Variants in ASIC2 observed in about 807,000 individuals in gnomAD.
ASIC2 encodes the protein acid-sensing ion channel 2.
ASIC2 carries 25 observed loss-of-function variants against 57.3 expected under a neutral mutation model. That is an observed-to-expected ratio of 0.44 (90% CI 0.32 to 0.61). The LOEUF (loss-of-function observed/expected upper bound fraction) is 0.61. ASIC2 is among the 20% of genes least tolerant of loss of function. The pLI is 0.06. For synonymous variants in ASIC2, 319 were observed against 307.5 expected, an observed-to-expected ratio of 1.04 and a Z score of -0.39; for missense variants, 641 against 738.1, an observed-to-expected ratio of 0.87 and a Z score of 1.52.
chr17:34,051,899 T>C (rs983060800), intron 1 of ASIC2, among the ~76,000 whole-genome samples: 2 of 132,574 alleles, frequency 1.5e-5, no homozygotes, highest in African/African-American at 2.8e-5. Flanking sequence ...AGCGAGAGAG[T>C]GAGTTTTTTC....
At chr17:33,588,677 G>A (rs536102141) in intron 1 of ASIC2, among the ~76,000 whole-genome samples, 12 of 152,298 alleles carry the variant, frequency 7.9e-5, no homozygotes, top group South Asian at 2.1e-4. Context: ...AGACAAGATC[G>A]CATCACAGGC....
At chr17:33,108,475 T>TGG (rs2092243912) in intron 2 of ASIC2, among the ~76,000 whole-genome samples, 2 of 152,168 alleles carry the variant, frequency 1.3e-5, no homozygotes, top group Non-Finnish European at 2.9e-5. Flanking sequence ...CCTGGCTGTG[T>TGG]CCATCATCCT....
At chr17:33,566,293 C>A (rs1227018095) in intron 1 of ASIC2, among the ~76,000 whole-genome samples, 2 of 152,172 alleles carry the variant, frequency 1.3e-5, no homozygotes, top group African/African-American at 2.4e-5. Flanking sequence ...CATATTACAG[C>A]CTTGGGAATG....
intron 1 of ASIC2, among the ~76,000 whole-genome samples, chr17:33,432,583 C>T (rs1049878494): frequency 6.6e-6 from 1 of 152,148 alleles, no homozygotes; most frequent in Non-Finnish European, 1.5e-5. Flanking sequence ...ACTTTTTTAA[C>T]AACCTTTTCT....
intron 1 of ASIC2, among the ~76,000 whole-genome samples, chr17:33,490,029 G>T (rs1913703157): frequency 6.6e-6 from 1 of 152,200 alleles, no homozygotes; most frequent in African/African-American, 2.4e-5. Context: ...GCAACACAAT[G>T]AATAGACAAT....
intron 1 of ASIC2, chr17:34,155,847 G>A (rs1043616035): frequency 1.1e-5 from 11 of 1,019,644 alleles, no homozygotes; most frequent in African/African-American, 3.3e-5. Context: ...AACTACCCTC[G>A]TGGCCTTCAG....
At chr17:33,544,410 T>C (rs1393912175) in intron 1 of ASIC2, among the ~76,000 whole-genome samples, 1 of 152,188 alleles carries the variant, frequency 6.6e-6, no homozygotes, top group African/African-American at 2.4e-5. Flanking sequence ...TACCCACGAG[T>C]GGAAATTCCT....
chr17:33,748,778 T>G (rs996661386), intron 1 of ASIC2, among the ~76,000 whole-genome samples: 2 of 152,250 alleles, frequency 1.3e-5, no homozygotes, highest in African/African-American at 4.8e-5. Context: ...CCTTTCTTCC[T>G]TCGTGTGCCT....
chr17:34,098,582 C>T (rs1910630170), intron 1 of ASIC2, among the ~76,000 whole-genome samples: 2 of 152,110 alleles, frequency 1.3e-5, no homozygotes, highest in Admixed American at 1.3e-4. Flanking sequence ...AGAAAAATCC[C>T]CTAACAAAAT....
At chr17:33,664,189 G>A (rs572703314) in intron 1 of ASIC2, among the ~76,000 whole-genome samples, 24 of 152,240 alleles carry the variant, frequency 1.6e-4, no homozygotes, top group African/African-American at 5.8e-4. Context: ...CCTTACACAT[G>A]TTGCTTGCTT....
chr17:34,074,908 CCT>C (rs1405441927), intron 1 of ASIC2, among the ~76,000 whole-genome samples: 2 of 151,954 alleles, frequency 1.3e-5, no homozygotes, highest in East Asian at 1.9e-4. Flanking sequence ...GTCTCAGCCC[CCT>C]GAGTAGTTGG....
intron 1 of ASIC2, among the ~76,000 whole-genome samples, chr17:33,448,292 T>C (rs1427773099): frequency 1.3e-5 from 2 of 152,210 alleles, no homozygotes; most frequent in African/African-American, 4.8e-5. Flanking sequence ...TTCATTAGAA[T>C]GTGAATACTT....
intron 1 of ASIC2, among the ~76,000 whole-genome samples, chr17:33,365,706 G>T (rs549410886): frequency 7.9e-5 from 12 of 151,938 alleles, no homozygotes; most frequent in African/African-American, 2.9e-4. Flanking sequence ...CAACAGGTTG[G>T]GCCTGATGAC....
At chr17:33,249,897 T>A (rs944845859) in intron 1 of ASIC2, among the ~76,000 whole-genome samples, 4 of 151,644 alleles carry the variant, frequency 2.6e-5, no homozygotes, top group African/African-American at 9.7e-5. Flanking sequence ...AGCTAGGGAG[T>A]TGGGATCATG....
At chr17:33,226,109 C>T (rs1007124717) in intron 1 of ASIC2, among the ~76,000 whole-genome samples, 8 of 152,162 alleles carry the variant, frequency 5.3e-5, no homozygotes, top group Non-Finnish European at 1.2e-4. Flanking sequence ...GAACCCCACA[C>T]AACAAAGACA....
intron 1 of ASIC2, among the ~76,000 whole-genome samples, chr17:33,754,364 C>T (rs1910524634): frequency 6.6e-6 from 1 of 151,956 alleles, no homozygotes; most frequent in African/African-American, 2.4e-5. Flanking sequence ...ATCTGGGCTC[C>T]GGATGTCACA....
chr17:34,000,484 C>T (rs1906304853), intron 1 of ASIC2, among the ~76,000 whole-genome samples: 1 of 152,060 alleles, frequency 6.6e-6, no homozygotes, highest in African/African-American at 2.4e-5. Context: ...AACTTCTGAC[C>T]TCAGGTGAAC....
intron 1 of ASIC2, among the ~76,000 whole-genome samples, chr17:33,873,807 C>G (rs1440536949): frequency 6.6e-6 from 1 of 152,124 alleles, no homozygotes; most frequent in African/African-American, 2.4e-5. Context: ...CATGCCCGAC[C>G]GTTTTGGTGC....
At chr17:34,016,256 T>C (rs369654807) in intron 1 of ASIC2, among the ~76,000 whole-genome samples, 286 of 151,442 alleles carry the variant, frequency 1.9e-3, no homozygotes, top group African/African-American at 6.7e-3. Context: ...AACCCCGTCT[T>C]TACTAAAAAC....
Sources: allele counts gnomAD v4.1 joint callset (sites outside exome capture counted in the v4.1 genomes callset), GRCh38; gene constraint gnomAD v4.1.1; transcripts MANE v1.5; gene names NCBI Gene and HGNC (gene_info 2026-07-23, HGNC 2026-07-21).